Variants in PKN2 observed in about 807,000 individuals in gnomAD.
PKN2 encodes serine/threonine-protein kinase N2.
Under a neutral mutation model 119.1 loss-of-function variants are expected in PKN2, and 38 were observed. That is an observed-to-expected ratio of 0.32 (90% CI 0.25 to 0.42). PKN2 has a LOEUF of 0.42. Ranked by LOEUF, PKN2 falls within the 10% of genes least tolerant of loss-of-function variation. The pLI is 1.00. For synonymous variants in PKN2, 390 were observed against 384.9 expected, an observed-to-expected ratio of 1.01 and a Z score of -0.15; for missense variants, 850 against 1,165.1, an observed-to-expected ratio of 0.73 and a Z score of 3.94.
chr1:88,723,417 C>A lies in PKN2; in HGVS notation c.49-17571C>A, dbSNP rs184482601. ...TGTAAGCCACCGTGCCCTGCCCCCC[C>A]CCCTTTTATTTATTTGTTTATTTTG... On this transcript the variant is annotated intron_variant, in intron 1 of 21. Transcript: ENST00000370521. 1.9e-3 allele frequency among the ~76,000 whole-genome samples: 285 copies of A among 148,462 alleles called. 1 individual carries two copies. Among genetic ancestry groups the A allele is most frequent in the African/African-American group, 6.8e-3 (275 of 40,448 alleles).
intron 1 of PKN2, among the ~76,000 whole-genome samples, chr1:88,704,358 A>G (rs1283507204): frequency 6.6e-6 from 1 of 152,240 alleles, no homozygotes; most frequent in Non-Finnish European, 1.5e-5. Flanking sequence ...ATTTCATTAT[A>G]TGGATATATA....
chr1:88,771,589 ATT>A, intron 5 of PKN2, 23 bp downstream of exon 5: 1 of 1,561,844 alleles, frequency 6.4e-7, no homozygotes, highest in Non-Finnish European at 8.7e-7. Flanking sequence ...AAAAATTTTT[ATT>A]TGGTTTAATA....
At chr1:88,772,516 C>T (rs1422251186) in intron 6 of PKN2, among the ~76,000 whole-genome samples, 1 of 152,178 alleles carries the variant, frequency 6.6e-6, no homozygotes, top group Non-Finnish European at 1.5e-5. Flanking sequence ...ATCTGAGATA[C>T]TTCTGGTCCC....
At chr1:88,691,723 G>A (rs1301629953) in intron 1 of PKN2, among the ~76,000 whole-genome samples, 1 of 151,942 alleles carries the variant, frequency 6.6e-6, no homozygotes, top group African/African-American at 2.4e-5. Flanking sequence ...TCCTTATATA[G>A]TAGTCCCTCC....
chr1:88,746,853 A>AGG (rs1668792798), intron 2 of PKN2, among the ~76,000 whole-genome samples: 1 of 152,170 alleles, frequency 6.6e-6, no homozygotes, highest in Non-Finnish European at 1.5e-5. Context: ...AAACAACTGA[A>AGG]GTGCCCATCA....
At chr1:88,781,407 C>T (rs556864130) in intron 6 of PKN2, among the ~76,000 whole-genome samples, 12 of 152,038 alleles carry the variant, frequency 7.9e-5, no homozygotes, top group African/African-American at 2.7e-4. Flanking sequence ...TGATGAAATA[C>T]TGAATTAGTG....
chr1:88,687,297 G>A (rs1666141055), intron 1 of PKN2, among the ~76,000 whole-genome samples: 1 of 152,114 alleles, frequency 6.6e-6, no homozygotes, highest in Non-Finnish European at 1.5e-5. Context: ...AAACTTTGGT[G>A]GCTAGAGGTT....
intron 8 of PKN2, among the ~76,000 whole-genome samples, chr1:88,790,894 A>T (rs545039326): frequency 1.0e-3 from 157 of 152,050 alleles, no homozygotes; most frequent in African/African-American, 3.7e-3. Context: ...TTTACATTTG[A>T]TGTCATATTT....
At chr1:88,793,637 T>C (rs775566294) in intron 8 of PKN2, among the ~76,000 whole-genome samples, 5 of 152,278 alleles carry the variant, frequency 3.3e-5, no homozygotes, top group South Asian at 4.1e-4. Flanking sequence ...TTGGTATCCA[T>C]GGGGAACGAT....
chr1:88,726,656 C>T (rs1012495739), intron 1 of PKN2, among the ~76,000 whole-genome samples: 28 of 152,082 alleles, frequency 1.8e-4, no homozygotes, highest in Admixed American at 1.8e-3. Context: ...CAGGGTAACA[C>T]CAACCTCATA....
At chr1:88,713,636 T>C (rs1263180211) in intron 1 of PKN2, among the ~76,000 whole-genome samples, 5 of 152,226 alleles carry the variant, frequency 3.3e-5, no homozygotes, top group Non-Finnish European at 7.3e-5. Flanking sequence ...TTGATTTTTT[T>C]CTTGTAAATT....
At chr1:88,775,404 T>C (rs1026718817) in intron 6 of PKN2, among the ~76,000 whole-genome samples, 2 of 152,220 alleles carry the variant, frequency 1.3e-5, no homozygotes, top group African/African-American at 2.4e-5. Context: ...TAATATGCAT[T>C]TAAGTTTCCT....
At chr1:88,703,057 A>C (rs1308106746) in intron 1 of PKN2, among the ~76,000 whole-genome samples, 1 of 152,108 alleles carries the variant, frequency 6.6e-6, no homozygotes, top group Non-Finnish European at 1.5e-5. Context: ...TTGTGATCCT[A>C]CCTTCCCGCA....
intron 2 of PKN2, among the ~76,000 whole-genome samples, chr1:88,751,145 G>A (rs1668975912): frequency 6.6e-6 from 1 of 151,886 alleles, no homozygotes. Context: ...CTATCCCTAT[G>A]TTTTCTTTTT....
chr1:88,736,803 G>A (rs143191082), intron 1 of PKN2, among the ~76,000 whole-genome samples: 51 of 152,232 alleles, frequency 3.4e-4, no homozygotes, highest in African/African-American at 1.1e-3. Flanking sequence ...TGAGCCCTTG[G>A]CCACTATCAC....
At chr1:88,693,742 G>A (rs887503678) in intron 1 of PKN2, among the ~76,000 whole-genome samples, 3 of 152,096 alleles carry the variant, frequency 2.0e-5, no homozygotes, top group Admixed American at 6.6e-5. Flanking sequence ...GATATTGAGC[G>A]AAACAGCATT....
At chr1:88,801,391 AC>A (rs1272922909) in intron 8 of PKN2, among the ~76,000 whole-genome samples, 13 of 152,180 alleles carry the variant, frequency 8.5e-5, no homozygotes, top group African/African-American at 1.2e-4. Flanking sequence ...ATCTCAAAAA[AC>A]AAAAAATAAT....
chr1:88,822,878 C>T (rs571164408), intron 17 of PKN2, among the ~76,000 whole-genome samples: 13 of 152,144 alleles, frequency 8.5e-5, no homozygotes, highest in East Asian at 7.7e-4. Flanking sequence ...CGTGCCCAGC[C>T]GGTAAGGTTC....
intron 8 of PKN2, among the ~76,000 whole-genome samples, chr1:88,800,254 G>C (rs1671250585): frequency 6.6e-6 from 1 of 152,122 alleles, no homozygotes; most frequent in Non-Finnish European, 1.5e-5. Flanking sequence ...ATTAAGAAGT[G>C]CTTACTAGTT....
Sources: gnomAD v4.1 joint callset for allele counts (sites outside exome capture counted in the v4.1 genomes callset) on GRCh38, gnomAD v4.1.1 for gene constraint, MANE v1.5 for transcripts, NCBI Gene and HGNC (gene_info 2026-07-23, HGNC 2026-07-21) for gene names.